CACNG7: variants seen among roughly 807,000 people sequenced by gnomAD.
CACNG7 encodes the protein calcium voltage-gated channel auxiliary subunit gamma 7.
A neutral mutation model predicts 26.3 loss-of-function variants in CACNG7; 9 were observed. The ratio of observed to expected loss-of-function variants is 0.34; its 90% CI spans 0.21 to 0.60. The LOEUF is 0.60. Among genes scored for constraint, CACNG7 ranks in the 20% least tolerant of loss-of-function variants. The pLI, the probability that CACNG7 is intolerant of heterozygous loss-of-function variation, is 0.81. For missense variants in CACNG7, 297 were observed against 380.4 expected, an observed-to-expected ratio of 0.78 and a Z score of 1.82; for synonymous variants, 170 against 157.0, an observed-to-expected ratio of 1.08 and a Z score of -0.62.
chr19:53,923,260 T>A (rs1298930794), intron 4 of CACNG7, among the ~76,000 whole-genome samples: 2 of 68,766 alleles, frequency 2.9e-5, no homozygotes, highest in Admixed American at 1.3e-4. Flanking sequence ...TTGTCCCAGG[T>A]CTGGTCATTG....
At position 53,913,165 on chromosome 19, in the gene CACNG7, G is replaced by T. The variant is rs956062794; in HGVS notation, c.196+138G>T. 7 of 760,936 alleles carry T rather than the reference G, an allele frequency of 9.2e-6. No homozygotes were observed. In the South Asian group the frequency reaches 1.3e-4, roughly 15 times the overall value. The allele number at this position is 760,936 out of a possible 1,614,324, so 47.1% of individuals were successfully genotyped here. A position where few individuals can be genotyped will look rare whatever the true frequency, so the allele number is the denominator to read the frequency against. ...CTCTCCTGGAAGTTCAAATTTCTAC[G>T]TGGAGCCCCAGTGACTAGCCCTTTA... On this transcript the variant is annotated intron_variant, in intron 2 of 5. Transcript: ENST00000391767.
In CACNG7 at chr19:53,915,346, C is replaced by T. The variant is rs1440323118; in HGVS notation, c.284-19C>T. 6.3e-7 allele frequency: 1 copy of T among 1,592,498 alleles called. No individual in the cohort carries two copies. The highest frequency in any genetic ancestry group is 1.1e-5 in the South Asian group (1 of 90,636). ...GGAGATTCCCCCCTCACCCCTGTCT[C>T]TCCCCATCCCCTCCCCAGAGACAGT... is the stretch of plus-strand genomic sequence containing the variant. On this transcript the variant is annotated intron_variant, in intron 3 of 5. Coordinates refer to ENST00000391767, the MANE Select transcript of CACNG7 (RefSeq NM_031896.5).
rs1026891314 is a variant in CACNG7, at chr19:53,912,408, C to T, written c.-29-395C>T. Among the ~76,000 whole-genome samples the T allele has an allele frequency of 6.6e-6, 1 of 152,174 alleles. No individual in the cohort carries two copies. The highest frequency in any genetic ancestry group is 2.4e-5 in the African/African-American group (1 of 41,438). On this transcript the variant is annotated intron_variant, in intron 1 of 5. Coordinates refer to ENST00000391767, the MANE Select transcript of CACNG7 (RefSeq NM_031896.5). The surrounding 1 kb of genome is among the most constrained non-coding windows in gnomAD (Gnocchi z 4.6). ...TGAGGTTAGGTTTTGGCAGGGGGAC[C>T]TGGTTCTGGGGTTAAGAAGCTCAAA...
intron 4 of CACNG7, among the ~76,000 whole-genome samples, chr19:53,931,567 A>G (rs1236295400): frequency 6.6e-6 from 1 of 151,036 alleles, no homozygotes; most frequent in Non-Finnish European, 1.5e-5. Context: ...GCATGCCTGT[A>G]GTCCCAGCTA....
intron 4 of CACNG7, 93 bp downstream of exon 4, chr19:53,915,598 C>A (rs899953866): frequency 9.8e-5 from 140 of 1,435,844 alleles, no homozygotes; most frequent in Non-Finnish European, 1.2e-4. Context: ...TGCTGTGTGG[C>A]CTGGGAGGAG....
At chr19:53,923,766 C>G (rs1245375537) in intron 4 of CACNG7, among the ~76,000 whole-genome samples, 1 of 134,264 alleles carries the variant, frequency 7.4e-6, no homozygotes, top group Non-Finnish European at 1.6e-5. Flanking sequence ...TGGAGTTGCC[C>G]CAGGTCTGGT....
intron 1 of CACNG7, among the ~76,000 whole-genome samples, chr19:53,911,278 C>G (rs1428083698): frequency 6.6e-6 from 1 of 152,008 alleles, no homozygotes; most frequent in Non-Finnish European, 1.5e-5. Flanking sequence ...GTTGGCCAGG[C>G]TGGTCTCAAA....
chr19:53,909,389 C>T lies in CACNG7; in HGVS notation c.-158C>T, dbSNP rs1227777305. ...CGGGAGGGGGCCGGGACGCCGGGCTCCGGGGCGGGGGCGGGGGGCGCGGGC... is the reference window on the plus strand; with the variant it reads ...CGGGAGGGGGCCGGGACGCCGGGCTTCGGGGCGGGGGCGGGGGGCGCGGGC... On this transcript the variant is annotated 5_prime_UTR_variant, in exon 1 of 6. Coordinates refer to ENST00000391767, the MANE Select transcript of CACNG7 (RefSeq NM_031896.5). This position sits in a 1 kb window ranked among gnomAD's most constrained non-coding sequence, Gnocchi z 5.1. The T allele has an allele frequency of 1.4e-5, 2 of 147,704 alleles. No homozygotes were observed. The highest frequency in any genetic ancestry group is 4.9e-5 in the African/African-American group (2 of 40,934). The allele number at this position is 147,704 out of a possible 1,614,324, so 9.1% of individuals were successfully genotyped here.
chr19:53,919,376 G>T (rs12982774), intron 4 of CACNG7, among the ~76,000 whole-genome samples: 57,940 of 149,970 alleles, frequency 0.39, 11,566 homozygotes, highest in African/African-American at 0.49. Context: ...GTTGTCCCAG[G>T]TCTGGTCATT....
At chr19:53,917,137 A>T (rs1165115852) in intron 4 of CACNG7, among the ~76,000 whole-genome samples, 5 of 151,936 alleles carry the variant, frequency 3.3e-5, no homozygotes, top group Admixed American at 3.3e-4. Flanking sequence ...TCCAAATTTC[A>T]ACTCAGTCCA....
chr19:53,934,270 GA>G (rs1315677089), intron 4 of CACNG7, among the ~76,000 whole-genome samples: 1 of 152,114 alleles, frequency 6.6e-6, no homozygotes, highest in Non-Finnish European at 1.5e-5. Flanking sequence ...CTGTAACCTG[GA>G]AGTTCTGTCT....
At chr19:53,917,056 C>G (rs2068903505) in intron 4 of CACNG7, among the ~76,000 whole-genome samples, 1 of 152,152 alleles carries the variant, frequency 6.6e-6, no homozygotes, top group East Asian at 1.9e-4. Flanking sequence ...CCTTAGCCTC[C>G]CGAAGTGCTG....
At chr19:53,914,288 G>GA (rs200430248) in intron 2 of CACNG7, among the ~76,000 whole-genome samples, 1 of 124,372 alleles carries the variant, frequency 8.0e-6, no homozygotes, top group Non-Finnish European at 1.5e-5. Flanking sequence ...AAAAAAAAAA[G>GA]AAAAAAAGAA....
chr19:53,935,657 T>TTTTTTTG (rs2069100355), intron 4 of CACNG7, among the ~76,000 whole-genome samples: 1 of 141,802 alleles, frequency 7.1e-6, no homozygotes, highest in Non-Finnish European at 1.5e-5. Flanking sequence ...TTTTTTTTTT[T>TTTTTTTG]GAGTTGGAGT....
At position 53,910,250 on chromosome 19, in the gene CACNG7, G is replaced by T. The variant is rs543171820; in HGVS notation, c.-30+733G>T. Among the ~76,000 whole-genome samples the T allele has an allele frequency of 1.1e-3, 172 of 152,186 alleles. 1 individual carries two copies. Among genetic ancestry groups the T allele is most frequent in the Middle Eastern group, 6.8e-3 (2 of 294 alleles). On this transcript the variant is annotated intron_variant, in intron 1 of 5. Transcript: ENST00000391767. ...TGCCCGTTTCCGAGCCCACAGGGCT[G>T]CGAGGGGACCAGGCAGCTCGCGGTC... is the stretch of plus-strand genomic sequence containing the variant.
intron 1 of CACNG7, among the ~76,000 whole-genome samples, chr19:53,911,954 G>A (rs1220615440): frequency 1.1e-4 from 16 of 152,318 alleles, no homozygotes; most frequent in Admixed American, 1.0e-3. Context: ...CTGAGGTCAA[G>A]GGTGTGAAGC....
chr19:53,935,634 C>CTTTT (rs59884893), intron 4 of CACNG7, among the ~76,000 whole-genome samples: 20,817 of 42,166 alleles, frequency 0.49, 5,929 homozygotes, highest in East Asian at 0.71. Context: ...CCAATACTGT[C>CTTTT]TTTTTTTTTT....
intron 5 of CACNG7, 145 bp from the exon 6 acceptor site, chr19:53,941,891 G>A: frequency 8.6e-7 from 1 of 1,167,602 alleles, no homozygotes; most frequent in Non-Finnish European, 1.2e-6. Context: ...CCCGGGGAAA[G>A]AGAGGGCTGG....
At chr19:53,921,634 T>C (rs1272638591) in intron 4 of CACNG7, among the ~76,000 whole-genome samples, 2 of 44,604 alleles carry the variant, frequency 4.5e-5, no homozygotes, top group African/African-American at 2.9e-4. Flanking sequence ...GGTGGAGTCG[T>C]CCCCAGGTCT....
Sources: gnomAD v4.1 joint callset for allele counts (sites outside exome capture counted in the v4.1 genomes callset) on GRCh38, gnomAD v4.1.1 for gene constraint, Gnocchi (gnomAD v3.1) non-coding constraint, MANE v1.5 for transcripts, NCBI Gene and HGNC (gene_info 2026-07-23, HGNC 2026-07-21) for gene names.